The following STAM2 variants were observed in gnomAD, a reference collection of about 807,000 sequenced individuals.
The protein encoded by STAM2 is signal transducing adaptor molecule 2.
A neutral mutation model predicts 65.6 loss-of-function variants in STAM2; 51 were observed. That is an observed-to-expected ratio of 0.78 (90% CI 0.62 to 0.98). STAM2 has a LOEUF of 0.98. STAM2 is among the 50% of genes least tolerant of loss of function. The pLI, the probability that STAM2 is intolerant of heterozygous loss-of-function variation, is 0.00. For synonymous variants in STAM2, 198 were observed against 208.4 expected (o/e 0.95, Z 0.43); for missense variants, 584 against 617.8 (o/e 0.95, Z 0.58).
chr2:152,154,026 C>G (rs570294933), intron 1 of STAM2, among the ~76,000 whole-genome samples: 5 of 151,994 alleles, frequency 3.3e-5, no homozygotes, highest in East Asian at 1.9e-4. Context: ...ATGAACAAGA[C>G]GAGAAACAAA....
At chr2:152,138,614 A>T (rs983684676) in intron 7 of STAM2, among the ~76,000 whole-genome samples, 2 of 152,238 alleles carry the variant, frequency 1.3e-5, no homozygotes, top group African/African-American at 4.8e-5. Context: ...GGATGAATTA[A>T]TGTCTATGAT....
intron 1 of STAM2, among the ~76,000 whole-genome samples, chr2:152,156,574 C>T (rs1689558932): frequency 6.6e-6 from 1 of 152,074 alleles, no homozygotes; most frequent in Non-Finnish European, 1.5e-5. Flanking sequence ...CATTTCATCA[C>T]CAGGCTTTGA....
In STAM2 at chr2:152,120,506, T is replaced by C; in HGVS notation, c.*68A>G. Reference sequence around the variant, plus strand: ...GAGAGGGAAAAAAGTTTTAATATTTTCAGGTTGGTATCACAAGGACTGAAT... The same window carrying C: ...GAGAGGGAAAAAAGTTTTAATATTTCCAGGTTGGTATCACAAGGACTGAAT... On this transcript the variant is annotated 3_prime_UTR_variant, in exon 14 of 14. Transcript: ENST00000263904. 1 of 1,373,366 alleles carries C rather than the reference T, an allele frequency of 7.3e-7. No homozygotes were observed. The highest frequency in any genetic ancestry group is 1.0e-6 in the Non-Finnish European group (1 of 980,486). The allele number at this position is 1,373,366 out of a possible 1,614,324, so 85.1% of individuals were successfully genotyped here.
intron 1 of STAM2, among the ~76,000 whole-genome samples, chr2:152,160,010 C>T (rs1473153126): frequency 2.6e-5 from 4 of 152,258 alleles, no homozygotes; most frequent in East Asian, 1.9e-4. Context: ...GGATTGCAGA[C>T]GGAGGCTCCT....
intron 7 of STAM2, among the ~76,000 whole-genome samples, chr2:152,138,066 C>T (rs1258150470): frequency 6.6e-6 from 1 of 152,092 alleles, no homozygotes; most frequent in African/African-American, 2.4e-5. Context: ...CAAATTTCCA[C>T]ATTAATATTA....
intron 7 of STAM2, among the ~76,000 whole-genome samples, chr2:152,139,024 T>C (rs540391951): frequency 1.4e-4 from 22 of 152,264 alleles, no homozygotes; most frequent in East Asian, 9.6e-4. Context: ...AGCAACCAAA[T>C]TGACAACTCC....
intron 11 of STAM2, among the ~76,000 whole-genome samples, chr2:152,131,092 A>G (rs1689053836): frequency 6.6e-6 from 1 of 152,052 alleles, no homozygotes; most frequent in African/African-American, 2.4e-5. Flanking sequence ...TGAAAAGAGA[A>G]GGTGTGATTT....
chr2:152,122,514 T>A (rs890154707), intron 13 of STAM2, among the ~76,000 whole-genome samples: 1 of 152,106 alleles, frequency 6.6e-6, no homozygotes, highest in Non-Finnish European at 1.5e-5. Flanking sequence ...ACTACACCAG[T>A]TTTTTCTCCA....
intron 11 of STAM2, among the ~76,000 whole-genome samples, chr2:152,126,782 A>G (rs937116095): frequency 2.0e-5 from 3 of 152,220 alleles, no homozygotes; most frequent in African/African-American, 7.2e-5. Flanking sequence ...TTACAGGTCC[A>G]GTCTCCATTT....
chr2:152,153,234 A>G (rs1689479789), intron 1 of STAM2, among the ~76,000 whole-genome samples: 1 of 152,156 alleles, frequency 6.6e-6, no homozygotes. Flanking sequence ...ATCACATTTT[A>G]TGTCTTTTCC....
chr2:152,119,666 T>G lies in STAM2; in HGVS notation c.*908A>C, dbSNP rs1350233087. ...CAGGAAGAAAAACAAATGGACCATA[T>G]CTTCATTAGAGAATAGCCAAAATCA... On this transcript the variant is annotated 3_prime_UTR_variant, in exon 14 of 14. Coordinates refer to ENST00000263904, the MANE Select transcript of STAM2 (RefSeq NM_005843.6). 6.6e-6 allele frequency: 1 copy of G among 152,192 alleles called. No homozygotes were observed. Among genetic ancestry groups the G allele is most frequent in the Admixed American group, 6.5e-5 (1 of 15,278 alleles). The allele number at this position is 152,192 out of a possible 1,614,324, so 9.4% of individuals were successfully genotyped here. A position where few individuals can be genotyped will look rare whatever the true frequency, so the allele number is the denominator to read the frequency against.
chr2:152,172,164 C>T (rs1028761068), intron 1 of STAM2, among the ~76,000 whole-genome samples: 1 of 152,088 alleles, frequency 6.6e-6, no homozygotes, highest in Non-Finnish European at 1.5e-5. Context: ...CAGAACACAT[C>T]AAAGAAATCT....
chr2:152,162,118 C>A (rs1689690324), intron 1 of STAM2, among the ~76,000 whole-genome samples: 1 of 152,146 alleles, frequency 6.6e-6, no homozygotes, highest in Admixed American at 6.5e-5. Context: ...CCACTGTGCC[C>A]AGCCCAATCT....
intron 1 of STAM2, among the ~76,000 whole-genome samples, chr2:152,173,404 A>AT (rs201681899): frequency 0.016 from 2,421 of 147,634 alleles, 65 homozygotes; most frequent in African/African-American, 0.057. Context: ...ATATATATAT[A>AT]TATTTTTTTT....
At chr2:152,151,753 T>C (rs1004590265) in intron 1 of STAM2, among the ~76,000 whole-genome samples, 3 of 152,242 alleles carry the variant, frequency 2.0e-5, no homozygotes, top group Non-Finnish European at 4.4e-5. Context: ...TTCATATAAA[T>C]AGAACCACAC....
chr2:152,135,499 T>C lies in STAM2; in HGVS notation c.799+10A>G. The C allele has an allele frequency of 6.3e-7, 1 of 1,586,998 alleles. No homozygotes were observed. The highest frequency in any genetic ancestry group is 1.3e-5 in the African/African-American group (1 of 74,198). On this transcript the variant is annotated intron_variant, in intron 8 of 13. Coordinates refer to ENST00000263904, the MANE Select transcript of STAM2 (RefSeq NM_005843.6). ...TAAATAGATCTAATGTCGTCTAAGATTTAACTTACCTGCCTCAGTCTCTAT... is the reference window on the plus strand; with the variant it reads ...TAAATAGATCTAATGTCGTCTAAGACTTAACTTACCTGCCTCAGTCTCTAT...
At chr2:152,122,048 C>CCAA (rs1560208236) in intron 13 of STAM2, among the ~76,000 whole-genome samples, 1 of 117,544 alleles carries the variant, frequency 8.5e-6, no homozygotes, top group African/African-American at 3.3e-5. Context: ...ACTCCGTCCC[C>CCAA]AAAAAAAAAA....
chr2:152,139,927 A>G (rs1381472619), intron 7 of STAM2, among the ~76,000 whole-genome samples: 3 of 152,228 alleles, frequency 2.0e-5, no homozygotes, highest in East Asian at 1.9e-4. Context: ...ATCAGGTACT[A>G]TAAGTTATCT....
Position 152,126,286 on chromosome 2 carries a change from G to C in STAM2, c.1119C>G (p.Val373=), listed in dbSNP as rs771108878. 2 of 1,611,638 alleles carry C rather than the reference G, an allele frequency of 1.2e-6. No individual in the cohort carries two copies. The highest frequency in any genetic ancestry group is 3.4e-5 in the Admixed American group (2 of 59,680). Residue 373 remains valine, a synonymous_variant, in exon 12 of 14, where the codon GTC becomes GTG. Transcript: ENST00000263904. ...KLVNEAPVYS[V]YSKLHPPAHY... ...GTGCTGGAGGGTGGAGCTTTGAATAGACTGAGTACACTGGTGCTTCATTCA... is the reference window on the plus strand; with the variant it reads ...GTGCTGGAGGGTGGAGCTTTGAATACACTGAGTACACTGGTGCTTCATTCA...
Sources: gnomAD v4.1 joint callset for allele counts (sites outside exome capture counted in the v4.1 genomes callset) on GRCh38, gnomAD v4.1.1 for gene constraint, MANE v1.5 for transcripts, NCBI Gene and HGNC (gene_info 2026-07-23, HGNC 2026-07-21) for gene names.